The following MRPL48 variants were observed in gnomAD, a reference collection of about 807,000 sequenced individuals.
The protein encoded by MRPL48 is large ribosomal subunit protein mL48.
A neutral mutation model predicts 32.9 loss-of-function variants in MRPL48; 16 were observed. The ratio of observed to expected loss-of-function variants is 0.49; its 90% CI spans 0.33 to 0.74. MRPL48 has a LOEUF of 0.74. Ranked by LOEUF, MRPL48 falls within the 30% of genes least tolerant of loss-of-function variation. MRPL48 has a pLI of 0.02. For missense variants in MRPL48, 206 were observed against 245.3 expected (o/e 0.84, Z 1.07); for synonymous variants, 94 against 89.2 (o/e 1.05, Z -0.31).
chr11:73,826,930 C>T (rs1436458897), intron 4 of MRPL48, among the ~76,000 whole-genome samples: 1 of 151,780 alleles, frequency 6.6e-6, no homozygotes, highest in Admixed American at 6.6e-5. Flanking sequence ...GCATGCGCCA[C>T]CAAGCCTGGC....
chr11:73,802,853 C>T (rs1383103082), intron 1 of MRPL48, among the ~76,000 whole-genome samples: 1 of 152,050 alleles, frequency 6.6e-6, no homozygotes, highest in Non-Finnish European at 1.5e-5. Context: ...GTGTGCACCA[C>T]CACGCCTGGC....
chr11:73,831,093 G>C (rs530206192), intron 4 of MRPL48, among the ~76,000 whole-genome samples: 1 of 152,124 alleles, frequency 6.6e-6, no homozygotes, highest in South Asian at 2.1e-4. Flanking sequence ...ACCTACCTTG[G>C]CCTCCCTAAG....
intron 4 of MRPL48, among the ~76,000 whole-genome samples, chr11:73,840,150 A>T (rs567016260): frequency 6.6e-6 from 1 of 152,158 alleles, no homozygotes; most frequent in South Asian, 2.1e-4. Context: ...TGAAAAAGAG[A>T]AAATAAATAA....
chr11:73,825,867 G>A, intron 4 of MRPL48, 71 bp downstream of exon 4: 2 of 1,271,094 alleles, frequency 1.6e-6, no homozygotes, highest in Non-Finnish European at 2.2e-6. Flanking sequence ...GATCAGATAT[G>A]TATAGTTTTG....
intron 3 of MRPL48, among the ~76,000 whole-genome samples, chr11:73,813,318 T>A (rs1160701997): frequency 1.3e-5 from 2 of 151,642 alleles, no homozygotes; most frequent in Non-Finnish European, 2.9e-5. Flanking sequence ...ACTACAGGAA[T>A]GTGCCACCAC....
chr11:73,845,083 C>A, intron 5 of MRPL48, 107 bp downstream of exon 5: 2 of 1,139,642 alleles, frequency 1.8e-6, no homozygotes, highest in Non-Finnish European at 2.4e-6. Flanking sequence ...AAAATTAACT[C>A]TTTTTAGTTA....
intron 3 of MRPL48, 93 bp from the exon 4 acceptor site, chr11:73,825,615 C>A: frequency 8.9e-7 from 1 of 1,126,392 alleles, no homozygotes; most frequent in Non-Finnish European, 1.3e-6. Flanking sequence ...CATTACATCC[C>A]AGCTTGGGTG....
chr11:73,827,604 G>A (rs960495325), intron 4 of MRPL48, among the ~76,000 whole-genome samples: 3 of 152,112 alleles, frequency 2.0e-5, no homozygotes, highest in Admixed American at 2.0e-4. Flanking sequence ...CAGTACAGTG[G>A]GGGGAGATTT....
chr11:73,857,619 G>C (rs1286938734), intron 5 of MRPL48, among the ~76,000 whole-genome samples: 1 of 121,778 alleles, frequency 8.2e-6, no homozygotes, highest in African/African-American at 3.3e-5. Flanking sequence ...TTTTGAGACA[G>C]AGTCTTGCTC....
In MRPL48 at chr11:73,799,117, T is replaced by A. The variant is rs563987612; in HGVS notation, c.22-5910T>A. Among the ~76,000 whole-genome samples the A allele has an allele frequency of 2.1e-4, 32 of 152,234 alleles. No homozygotes were observed. In the South Asian group the frequency reaches 6.2e-3, roughly 30 times the overall value. ...AGGCAGGGACTGGGCTTTTCCAGGA[T>A]GCCTAAGATGAGAGTAAACTCCTTG... On this transcript the variant is annotated intron_variant, in intron 1 of 7. Coordinates refer to ENST00000310614, the MANE Select transcript of MRPL48 (RefSeq NM_016055.6).
chr11:73,824,152 C>T (rs1947841745), intron 3 of MRPL48, among the ~76,000 whole-genome samples: 1 of 151,974 alleles, frequency 6.6e-6, no homozygotes, highest in Non-Finnish European at 1.5e-5. Flanking sequence ...CCGCACCTGG[C>T]CAAGACCCTA....
At chr11:73,825,686 T>C in intron 3 of MRPL48, 22 bp from the exon 4 acceptor site, 1 of 1,541,250 alleles carries the variant, frequency 6.5e-7, no homozygotes, top group Non-Finnish European at 8.8e-7. Context: ...AAAACAGGTT[T>C]GTCTTATTTT....
intron 4 of MRPL48, 42 bp from the exon 5 acceptor site, chr11:73,844,765 G>T (rs1948256041): frequency 1.3e-6 from 2 of 1,562,962 alleles, no homozygotes; most frequent in African/African-American, 1.4e-5. Flanking sequence ...AGAATTTCTT[G>T]TATAATACTT....
chr11:73,797,287 G>GC (rs1320433170), intron 1 of MRPL48, among the ~76,000 whole-genome samples: 2 of 152,164 alleles, frequency 1.3e-5, no homozygotes. Context: ...CCGCTTGTCT[G>GC]CATACTCCAT....
intron 4 of MRPL48, among the ~76,000 whole-genome samples, chr11:73,841,147 T>C (rs1948179923): frequency 6.6e-6 from 1 of 152,182 alleles, no homozygotes; most frequent in African/African-American, 2.4e-5. Context: ...GTTTTCTAAG[T>C]GTTAGGAAGA....
intron 3 of MRPL48, among the ~76,000 whole-genome samples, chr11:73,817,062 C>A (rs1947691136): frequency 6.6e-6 from 1 of 151,742 alleles, no homozygotes; most frequent in African/African-American, 2.4e-5. Flanking sequence ...TAACTCTTGA[C>A]CTCAGGTGGT....
At chr11:73,830,695 A>C (rs960067947) in intron 4 of MRPL48, among the ~76,000 whole-genome samples, 2 of 152,176 alleles carry the variant, frequency 1.3e-5, no homozygotes, top group Non-Finnish European at 2.9e-5. Context: ...TGCATAAAGT[A>C]TCCAACCCTT....
chr11:73,852,896 T>C (rs959025163), intron 5 of MRPL48, among the ~76,000 whole-genome samples: 3 of 152,158 alleles, frequency 2.0e-5, no homozygotes, highest in Non-Finnish European at 4.4e-5. Context: ...ATGTATACAA[T>C]AGAGTAGTAT....
chr11:73,788,097 C>G, intron 1 of MRPL48, 105 bp downstream of exon 1: 2 of 1,433,214 alleles, frequency 1.4e-6, no homozygotes, highest in South Asian at 1.2e-5. Flanking sequence ...CGCGGACATC[C>G]GGGGATGAGA....
Sources: gnomAD v4.1 joint callset for allele counts (sites outside exome capture counted in the v4.1 genomes callset) on GRCh38, gnomAD v4.1.1 for gene constraint, MANE v1.5 for transcripts, NCBI Gene and HGNC (gene_info 2026-07-23, HGNC 2026-07-21) for gene names.